SUMF1: variants seen among roughly 807,000 people sequenced by gnomAD.
SUMF1 encodes the protein formylglycine-generating enzyme.
SUMF1 carries 48 observed loss-of-function variants against 47.6 expected under a neutral mutation model. That is an observed-to-expected ratio of 1.01 (90% CI 0.80 to 1.28). The LOEUF is 1.28. Ranked by LOEUF, SUMF1 falls within the 50% of genes most tolerant of loss-of-function variation. SUMF1 has a pLI of 0.00. For missense variants in SUMF1, 571 were observed against 485.4 expected, an observed-to-expected ratio of 1.18 and a Z score of -1.66; for synonymous variants, 230 against 192.1, an observed-to-expected ratio of 1.20 and a Z score of -1.63.
At chr3:4,066,439 A>G (rs750750457) in intron 9 of SUMF1, among the ~76,000 whole-genome samples, 12 of 152,184 alleles carry the variant, frequency 7.9e-5, no homozygotes, top group Non-Finnish European at 1.8e-4. Context: ...TTGAATAAAC[A>G]TAGAAATTGG....
intron 8 of SUMF1, among the ~76,000 whole-genome samples, chr3:4,298,029 T>C (rs541890139): frequency 1.3e-5 from 2 of 152,266 alleles, no homozygotes; most frequent in East Asian, 1.9e-4. Flanking sequence ...TTTATTATAT[T>C]GTATTGTTTT....
At chr3:4,433,097 T>G (rs1189037185) in intron 3 of SUMF1, among the ~76,000 whole-genome samples, 3 of 152,212 alleles carry the variant, frequency 2.0e-5, no homozygotes, top group Non-Finnish European at 4.4e-5. Flanking sequence ...AAGTTTCTCT[T>G]AAAGCTAGAC....
At chr3:4,403,334 C>T (rs554864416) in intron 7 of SUMF1, among the ~76,000 whole-genome samples, 8 of 151,658 alleles carry the variant, frequency 5.3e-5, no homozygotes, top group Non-Finnish European at 1.2e-4. Context: ...TGAGAAAGAA[C>T]GAATAAAAAA....
At chr3:4,039,492 G>A (rs549417927) in intron 9 of SUMF1, among the ~76,000 whole-genome samples, 30 of 131,240 alleles carry the variant, frequency 2.3e-4, no homozygotes, top group Admixed American at 4.1e-4. Flanking sequence ...TTGTTCTTGC[G>A]ATAGTTTACT....
intron 8 of SUMF1, among the ~76,000 whole-genome samples, chr3:4,375,134 CAAAAA>C (rs376228362): frequency 0.035 from 2,595 of 73,252 alleles, 47 homozygotes; most frequent in African/African-American, 0.1. Flanking sequence ...GACTCTGTCT[CAAAAA>C]AAAAAAAAAA....
chr3:4,335,960 C>CAAAAAAAACAAAACA (rs5846319), intron 8 of SUMF1, among the ~76,000 whole-genome samples: 1 of 73,908 alleles, frequency 1.4e-5, no homozygotes, highest in African/African-American at 7.1e-5. Context: ...GATTCCAACT[C>CAAAAAAAACAAAACA]AAAAAAAAAA....
chr3:4,363,949 G>A (rs1412702061), intron 8 of SUMF1, among the ~76,000 whole-genome samples: 3 of 145,562 alleles, frequency 2.1e-5, no homozygotes, highest in South Asian at 2.3e-4. Flanking sequence ...GTTGAATTGT[G>A]TCAAAGGCCT....
chr3:4,362,289 G>A, intron 8 of SUMF1, 35 bp from the exon 9 acceptor site: 1 of 1,575,490 alleles, frequency 6.3e-7, no homozygotes, highest in African/African-American at 1.3e-5. Context: ...AAGTGCTACT[G>A]GGACTCTCAG....
chr3:4,405,078 G>A (rs1203541678), intron 7 of SUMF1, among the ~76,000 whole-genome samples: 2 of 152,180 alleles, frequency 1.3e-5, no homozygotes, highest in Non-Finnish European at 2.9e-5. Flanking sequence ...ACAGTGGTGG[G>A]AGGCCAGAGG....
chr3:4,423,051 G>A (rs1466614721), intron 3 of SUMF1, among the ~76,000 whole-genome samples: 1 of 152,072 alleles, frequency 6.6e-6, no homozygotes, highest in Non-Finnish European at 1.5e-5. Context: ...TTCCATTCCT[G>A]AGTTACTTCA....
chr3:4,067,358 C>A (rs1373366391), intron 9 of SUMF1, among the ~76,000 whole-genome samples: 1 of 152,180 alleles, frequency 6.6e-6, no homozygotes, highest in East Asian at 1.9e-4. Context: ...TGAAGGAGAG[C>A]ACTCCAAATT....
At chr3:4,375,134 C>CAA (rs376228362) in intron 8 of SUMF1, among the ~76,000 whole-genome samples, 183 of 73,042 alleles carry the variant, frequency 2.5e-3, no homozygotes, top group Middle Eastern at 0.018. Flanking sequence ...GACTCTGTCT[C>CAA]AAAAAAAAAA....
At chr3:4,254,049 G>A (rs966573132) in intron 8 of SUMF1, among the ~76,000 whole-genome samples, 1 of 151,298 alleles carries the variant, frequency 6.6e-6, no homozygotes, top group South Asian at 2.1e-4. Context: ...TGCAGCTGAG[G>A]GTCCTGTCTG....
chr3:4,316,192 G>C, intron 8 of SUMF1: 1 of 664,840 alleles, frequency 1.5e-6, no homozygotes, highest in Non-Finnish European at 2.7e-6. Context: ...CATCTTACTT[G>C]CTGTTTATGT....
chr3:4,292,403 C>A (rs1026577457), intron 8 of SUMF1, among the ~76,000 whole-genome samples: 4 of 152,128 alleles, frequency 2.6e-5, no homozygotes, highest in Non-Finnish European at 5.9e-5. Context: ...CAGTACATGA[C>A]AAGAAGGGGC....
intron 3 of SUMF1, among the ~76,000 whole-genome samples, chr3:4,444,268 CA>C (rs1371430083): frequency 6.6e-6 from 1 of 152,032 alleles, no homozygotes; most frequent in African/African-American, 2.4e-5. Flanking sequence ...TATCAACGGG[CA>C]AAAACTCAGG....
chr3:4,186,861 C>T (rs62259312), intron 8 of SUMF1, among the ~76,000 whole-genome samples: 7 of 152,180 alleles, frequency 4.6e-5, no homozygotes, highest in South Asian at 2.1e-4. Context: ...TCTCTTTCTT[C>T]TCTGTGTTCC....
Position 4,265,510 on chromosome 3 carries a change from T to C in SUMF1, c.1014+110820A>G, listed in dbSNP as rs553274392. 5.8e-4 allele frequency among the ~76,000 whole-genome samples: 88 copies of C among 152,186 alleles called. 1 individual carries two copies. The highest frequency in any genetic ancestry group is 8.5e-4 in the Non-Finnish European group (58 of 68,024). On this transcript the variant is annotated intron_variant and NMD_transcript_variant, in intron 8 of 12. Transcript: ENST00000448413. ...TTAAATTCTCAGTGTCTCTGCTAAT[T>C]GTTCCAAGCTTACCTAGCTACCCCT... is the stretch of plus-strand genomic sequence containing the variant.
At chr3:4,441,157 C>A (rs1702574961) in intron 3 of SUMF1, among the ~76,000 whole-genome samples, 1 of 152,160 alleles carries the variant, frequency 6.6e-6, no homozygotes. Flanking sequence ...TTTGCGTTAC[C>A]ACCTGAGCTC....
Sources: gnomAD v4.1 joint callset for allele counts (sites outside exome capture counted in the v4.1 genomes callset) on GRCh38, gnomAD v4.1.1 for gene constraint, MANE v1.5 for transcripts, NCBI Gene and HGNC (gene_info 2026-07-23, HGNC 2026-07-21) for gene names.